The following PARD6G variants were observed in gnomAD, a reference collection of about 807,000 sequenced individuals.
The protein encoded by PARD6G is partitioning defective 6 homolog gamma.
In PARD6G, 7 loss-of-function variants were observed where a neutral mutation model predicts 10.7. The observed-to-expected ratio is 0.66, with a 90% confidence interval of 0.37 to 1.23. The LOEUF (loss-of-function observed/expected upper bound fraction) is 1.23, where lower values mean the gene tolerates loss of function less well. Ranked by LOEUF, PARD6G falls within the 50% of genes most tolerant of loss-of-function variation. The probability of loss-of-function intolerance (pLI) is 0.02; values close to 1 mark genes in which losing one functional copy is unlikely to be tolerated. For missense variants in PARD6G, 548 were observed against 571.8 expected (o/e 0.96, Z 0.42); for synonymous variants, 287 against 269.4 (o/e 1.07, Z -0.64).
In PARD6G at chr18:80,200,291, G is replaced by A. The variant is rs553885833; in HGVS notation, c.295+2419C>T. On this transcript the variant is annotated intron_variant, in intron 2 of 2. Coordinates refer to ENST00000353265, the MANE Select transcript of PARD6G (RefSeq NM_032510.4). The surrounding 1 kb of genome is among the most constrained non-coding windows in gnomAD (Gnocchi z 4.4). ...CAGGGAGGGTGCCTGACTGTGCACCGGAAACAACTGCCCCTGACTGCCACC... is the reference window on the plus strand; with the variant it reads ...CAGGGAGGGTGCCTGACTGTGCACCAGAAACAACTGCCCCTGACTGCCACC... 1.3e-5 allele frequency among the ~76,000 whole-genome samples: 2 copies of A among 152,270 alleles called. No individual in the cohort carries two copies. Among genetic ancestry groups the A allele is most frequent in the South Asian group, 4.1e-4 (2 of 4,822 alleles).
Position 80,183,213 on chromosome 18 carries a change from C to CCA in PARD6G, c.295+19495_295+19496dup. 4 of 702,328 alleles carry CCA rather than the reference C, an allele frequency of 5.7e-6. No homozygotes were observed. The highest frequency in any genetic ancestry group is 1.0e-5 in the Non-Finnish European group (4 of 384,628). The allele number at this position is 702,328 out of a possible 1,614,324, so 43.5% of individuals were successfully genotyped here. ...ATGTGAAAGGGTGGGAGAGAGAAAGCCAGAGAGACTTCTGCAAAACAAGCT... is the reference window on the plus strand; with the variant it reads ...ATGTGAAAGGGTGGGAGAGAGAAAGCCACAGAGAGACTTCTGCAAAACAAGCT... On this transcript the variant is annotated intron_variant, in intron 2 of 2. Coordinates refer to ENST00000353265, the MANE Select transcript of PARD6G (RefSeq NM_032510.4). The surrounding 1 kb of genome is among the most constrained non-coding windows in gnomAD (Gnocchi z 4.5).
At chr18:80,219,755 T>A (rs1486412719) in intron 1 of PARD6G, among the ~76,000 whole-genome samples, 1 of 152,202 alleles carries the variant, frequency 6.6e-6, no homozygotes, top group Non-Finnish European at 1.5e-5. Context: ...CCTGACTTTA[T>A]TGTCCATATC....
At chr18:80,186,841 G>A (rs930505223) in intron 2 of PARD6G, among the ~76,000 whole-genome samples, 5 of 152,140 alleles carry the variant, frequency 3.3e-5, no homozygotes, top group Non-Finnish European at 7.3e-5. Context: ...AGGGCTGGGC[G>A]GGGTGGCTCA....
intron 2 of PARD6G, among the ~76,000 whole-genome samples, chr18:80,195,570 TATACAC>T (rs1200001540): frequency 2.3e-5 from 2 of 88,642 alleles, no homozygotes; most frequent in Non-Finnish European, 4.3e-5. Flanking sequence ...TATATATATA[TATACAC>T]ACATTTTTTT....
At position 80,188,749 on chromosome 18, in the gene PARD6G, G is replaced by A. The variant is rs903265918; in HGVS notation, c.295+13961C>T. 6.6e-6 allele frequency among the ~76,000 whole-genome samples: 1 copy of A among 152,096 alleles called. No individual in the cohort carries two copies. Among genetic ancestry groups the A allele is most frequent in the Non-Finnish European group, 1.5e-5 (1 of 68,030 alleles). The stretch of plus-strand genomic sequence containing the variant: ...GCATCTCAGAAGATGGGCAGCTCTC[G>A]GCCAGTCACCCTGGCCTGGGATGGC... On this transcript the variant is annotated intron_variant, in intron 2 of 2. Transcript: ENST00000353265. The surrounding 1 kb of genome is among the most constrained non-coding windows in gnomAD (Gnocchi z 5.4).
At chr18:80,225,554 C>T (rs1967280741) in intron 1 of PARD6G, among the ~76,000 whole-genome samples, 2 of 152,226 alleles carry the variant, frequency 1.3e-5, no homozygotes, top group South Asian at 2.1e-4. Context: ...CCCAGCTCAC[C>T]TCCCCCTTCA....
intron 1 of PARD6G, among the ~76,000 whole-genome samples, chr18:80,229,757 T>A (rs1458183602): frequency 6.6e-6 from 1 of 152,160 alleles, no homozygotes; most frequent in Non-Finnish European, 1.5e-5. Flanking sequence ...GGCCCTAATT[T>A]AAACTCAGGG....
intron 2 of PARD6G, chr18:80,171,427 C>G (rs1191700429): frequency 6.6e-6 from 1 of 152,292 alleles, no homozygotes; most frequent in Non-Finnish European, 1.5e-5. Context: ...AGCGCAGCAA[C>G]AGGCACCCGG....
intron 1 of PARD6G, among the ~76,000 whole-genome samples, chr18:80,216,503 A>G (rs555029845): frequency 3.8e-4 from 58 of 152,240 alleles, no homozygotes; most frequent in Non-Finnish European, 1.8e-4. Context: ...CTAATTAAAC[A>G]TACCCCTAAA....
intron 2 of PARD6G, chr18:80,177,972 T>TACAC (rs3028716): frequency 0.11 from 17,211 of 152,118 alleles, 1,611 homozygotes; most frequent in African/African-American, 0.26. Context: ...AGCGTGTGCA[T>TACAC]ACACACACAC....
chr18:80,174,687 G>A (rs1483723461), intron 2 of PARD6G, among the ~76,000 whole-genome samples: 1 of 151,922 alleles, frequency 6.6e-6, no homozygotes, highest in African/African-American at 2.4e-5. Context: ...GGGTGCGGTG[G>A]CTCACGCCTG....
intron 2 of PARD6G, among the ~76,000 whole-genome samples, chr18:80,199,634 G>A (rs901660778): frequency 1.3e-5 from 2 of 152,106 alleles, no homozygotes; most frequent in African/African-American, 4.8e-5. Flanking sequence ...ATTATTTTAA[G>A]CAACAGATTA....
rs1967320823 is a variant in PARD6G at position 80,228,440 on chromosome 18, C to G, written c.72+18837G>C. Among the ~76,000 whole-genome samples, 1 of 152,144 alleles carries G rather than the reference C, an allele frequency of 6.6e-6. No homozygotes were observed. The highest frequency in any genetic ancestry group is 2.4e-5 in the African/African-American group (1 of 41,418). ...GCTCTGCTGGGTGAGTCGCAGGCAC[C>G]AAGTGCCCCTACAGCTCACATTGTC... On this transcript the variant is annotated intron_variant, in intron 1 of 2. Transcript: ENST00000353265. This position sits in a 1 kb window ranked among gnomAD's most constrained non-coding sequence, Gnocchi z 4.6.
At chr18:80,208,013 G>A (rs1967070414) in intron 1 of PARD6G, among the ~76,000 whole-genome samples, 1 of 151,596 alleles carries the variant, frequency 6.6e-6, no homozygotes, top group Non-Finnish European at 1.5e-5. Flanking sequence ...ATTTTAAAAT[G>A]CATGATAGTG....
chr18:80,186,207 C>A (rs906609165), intron 2 of PARD6G, among the ~76,000 whole-genome samples: 4 of 149,850 alleles, frequency 2.7e-5, no homozygotes, highest in African/African-American at 7.4e-5. Context: ...CACGCATATA[C>A]CCTCACATAT....
At chr18:80,242,980 T>C (rs1221915559) in intron 1 of PARD6G, among the ~76,000 whole-genome samples, 2 of 152,096 alleles carry the variant, frequency 1.3e-5, no homozygotes, top group African/African-American at 4.8e-5. Flanking sequence ...AAATAAACTT[T>C]CCAGAAGAAA....
At chr18:80,160,685 C>T in intron 2 of PARD6G, 79 bp from the exon 3 acceptor site, 1 of 1,419,964 alleles carries the variant, frequency 7.0e-7, no homozygotes, top group Non-Finnish European at 9.1e-7. Context: ...CCTGGCACTG[C>T]TGTTCCATCT....
intron 2 of PARD6G, among the ~76,000 whole-genome samples, chr18:80,186,886 C>T (rs913806265): frequency 9.9e-5 from 15 of 152,078 alleles, no homozygotes; most frequent in African/African-American, 3.1e-4. Context: ...AGGCCGAGGT[C>T]GGGAAATCAA....
chr18:80,195,736 G>T (rs1198435504), intron 2 of PARD6G, among the ~76,000 whole-genome samples: 39 of 150,864 alleles, frequency 2.6e-4, no homozygotes, highest in African/African-American at 9.0e-4. Flanking sequence ...TCAGCCAGGC[G>T]TGGTGGCGCG....
Sources: gnomAD v4.1 joint callset for allele counts (sites outside exome capture counted in the v4.1 genomes callset) on GRCh38, gnomAD v4.1.1 for gene constraint, Gnocchi (gnomAD v3.1) non-coding constraint, MANE v1.5 for transcripts, NCBI Gene and HGNC (gene_info 2026-07-23, HGNC 2026-07-21) for gene names.